The following GOLGA4 variants were observed in gnomAD, a reference collection of about 807,000 sequenced individuals.
GOLGA4 encodes the protein golgin A4.
In GOLGA4, 169 loss-of-function variants were observed where a neutral mutation model predicts 265.9. The ratio of observed to expected loss-of-function variants is 0.64; its 90% CI spans 0.56 to 0.72. GOLGA4 has a LOEUF of 0.72. Ranked by LOEUF, GOLGA4 falls within the 30% of genes least tolerant of loss-of-function variation. The pLI, the probability that GOLGA4 is intolerant of heterozygous loss-of-function variation, is 0.00. For missense variants in GOLGA4, 2,482 were observed against 2,483.4 expected (o/e 1.00, Z 0.01); for synonymous variants, 923 against 855.8 (o/e 1.08, Z -1.37).
chr3:37,337,270 G>A (rs2097017320), intron 18 of GOLGA4, 107 bp downstream of exon 18: 4 of 661,246 alleles, frequency 6.0e-6, no homozygotes, highest in African/African-American at 5.5e-5. Context: ...TGCAATCTTG[G>A]CTCACTGCAA....
At chr3:37,257,708 A>C (rs1228141157) in intron 2 of GOLGA4, among the ~76,000 whole-genome samples, 2 of 150,964 alleles carry the variant, frequency 1.3e-5, no homozygotes, top group Non-Finnish European at 2.9e-5. Flanking sequence ...TTTATGAAGG[A>C]AGGATTGATA....
intron 22 of GOLGA4, among the ~76,000 whole-genome samples, chr3:37,360,466 T>G (rs1696167139): frequency 6.6e-6 from 1 of 152,208 alleles, no homozygotes; most frequent in African/African-American, 2.4e-5. Flanking sequence ...TTGCTGCTTT[T>G]TACTAACTTT....
intron 21 of GOLGA4, among the ~76,000 whole-genome samples, chr3:37,354,254 T>C (rs983092625): frequency 2.0e-5 from 3 of 152,030 alleles, no homozygotes; most frequent in Admixed American, 6.6e-5. Context: ...GATCAAGGAA[T>C]GTTAGAGTCA....
At chr3:37,286,962 C>T (rs2096851165) in intron 4 of GOLGA4, among the ~76,000 whole-genome samples, 1 of 152,210 alleles carries the variant, frequency 6.6e-6, no homozygotes, top group Non-Finnish European at 1.5e-5. Context: ...AAATTTCCCA[C>T]TAGGTATTCC....
At chr3:37,285,913 C>T in intron 3 of GOLGA4, 101 bp from the exon 4 acceptor site, 4 of 655,158 alleles carry the variant, frequency 6.1e-6, no homozygotes, top group Non-Finnish European at 1.1e-5. Flanking sequence ...AAGGACTCTT[C>T]TAATTTATTT....
At chr3:37,287,477 C>G (rs781239891) in intron 4 of GOLGA4, 1 of 152,236 alleles carries the variant, frequency 6.6e-6, no homozygotes, top group Non-Finnish European at 1.5e-5. Flanking sequence ...ACACTCTTAC[C>G]TATGCTGCTT....
chr3:37,322,355 C>T (rs902724547), intron 13 of GOLGA4, among the ~76,000 whole-genome samples: 2 of 152,090 alleles, frequency 1.3e-5, no homozygotes, highest in Admixed American at 1.3e-4. Context: ...AACATAGTCC[C>T]GTAATGAACA....
rs530356694 is a variant in GOLGA4, at chr3:37,302,347, G to T, written c.1234+15G>T. On this transcript the variant is annotated intron_variant, in intron 10 of 23. Coordinates refer to ENST00000361924, the MANE Select transcript of GOLGA4 (RefSeq NM_002078.5). ...CGAAAGAGCTGGTAAGAACTTGAGG[G>T]TTACTTGTTTTATGTTGGAACTCAA... 140 of 1,603,750 alleles carry T rather than the reference G, an allele frequency of 8.7e-5. No homozygotes were observed. The highest frequency in any genetic ancestry group is 8.3e-4 in the Middle Eastern group (5 of 6,030).
intron 10 of GOLGA4, among the ~76,000 whole-genome samples, chr3:37,307,382 T>C (rs2096909196): frequency 6.6e-6 from 1 of 152,244 alleles, no homozygotes; most frequent in Admixed American, 6.5e-5. Context: ...TTATGCATTT[T>C]TATATAACAA....
At chr3:37,243,766 A>T (rs1266671985) in intron 1 of GOLGA4, 144 bp downstream of exon 1, 1 of 660,036 alleles carries the variant, frequency 1.5e-6, no homozygotes, top group Non-Finnish European at 2.6e-6. Flanking sequence ...ACCCAGAAGG[A>T]GCTCCGGGCG....
At chr3:37,341,182 C>T (rs561941696) in intron 20 of GOLGA4, among the ~76,000 whole-genome samples, 1 of 152,146 alleles carries the variant, frequency 6.6e-6, no homozygotes, top group African/African-American at 2.4e-5. Context: ...GGATTACAGG[C>T]ATGAGCTACT....
At chr3:37,259,475 A>G (rs909953306) in intron 2 of GOLGA4, among the ~76,000 whole-genome samples, 56 of 152,332 alleles carry the variant, frequency 3.7e-4, no homozygotes, top group African/African-American at 1.0e-3. Flanking sequence ...CTTTTAACAC[A>G]TAGTATAGCT....
Position 37,323,868 on chromosome 3 carries a change from A to G in GOLGA4, c.1982A>G (p.Glu661Gly), listed in dbSNP as rs751245792. Residue 661 changes from glutamate to glycine, a missense_variant, in exon 14 of 24, where the codon GAG becomes GGG. Glu to Gly is a moderately conservative substitution (Grantham distance 98). This residue lies in a region of GOLGA4 where 1,536 missense variants were observed against 1,483.7 expected (regional missense o/e 1.04). Coordinates refer to ENST00000361924, the MANE Select transcript of GOLGA4 (RefSeq NM_002078.5). The stretch of plus-strand genomic sequence containing the variant: ...AAAGAAACATTGTTGAAAGACAAAG[A>G]GATTATCTTCCAGGCCCACATAGAA... ...QEKETLLKDK[E>G]IIFQAHIEEM... is the part of the protein sequence containing the mutation. The G allele has an allele frequency of 3.7e-6, 6 of 1,612,398 alleles. No homozygotes were observed. The South Asian group carries it at 5.5e-5, about 15-fold the overall frequency.
chr3:37,256,814 C>G (rs1221658918), intron 2 of GOLGA4, among the ~76,000 whole-genome samples: 1 of 152,106 alleles, frequency 6.6e-6, no homozygotes, highest in African/African-American at 2.4e-5. Context: ...TATCCTCTGC[C>G]CCACTCCAGA....
chr3:37,326,948 G>A lies in GOLGA4; in HGVS notation c.5062G>A (p.Val1688Ile). Reference protein sequence around the residue: ...NTKLQEREREVHILEEKLKSV... With the variant: ...NTKLQEREREIHILEEKLKSV... ...AAAATTGCAGGAAAGAGAAAGGGAA[G>A]TTCACATCTTGGAAGAAAAACTTAA... is the stretch of plus-strand genomic sequence containing the variant. Residue 1688 changes from valine (V) to isoleucine (I), a missense_variant, in exon 14 of 24, where the codon GTT (valine) becomes ATT (isoleucine). Around this residue, in one of 3 missense-constraint regions of GOLGA4, gnomAD observed 942 missense variants for 983.1 expected, o/e 0.96. Transcript: ENST00000361924. 11 of 1,613,420 alleles carry A rather than the reference G, an allele frequency of 6.8e-6. No individual in the cohort carries two copies. The highest frequency in any genetic ancestry group is 9.3e-6 in the Non-Finnish European group (11 of 1,179,442).
chr3:37,359,824 C>G (rs1338960584), intron 22 of GOLGA4, among the ~76,000 whole-genome samples: 1 of 152,164 alleles, frequency 6.6e-6, no homozygotes, highest in East Asian at 1.9e-4. Context: ...TCTGCATGGG[C>G]TCAGAAGATG....
At chr3:37,283,052 T>C (rs1312000894) in intron 3 of GOLGA4, among the ~76,000 whole-genome samples, 2 of 152,144 alleles carry the variant, frequency 1.3e-5, no homozygotes, top group Non-Finnish European at 2.9e-5. Context: ...CAAATCACCA[T>C]TGTAGTTAAT....
intron 23 of GOLGA4, among the ~76,000 whole-genome samples, chr3:37,361,525 T>G (rs1475826637): frequency 6.6e-6 from 1 of 152,230 alleles, no homozygotes; most frequent in Non-Finnish European, 1.5e-5. Context: ...TTTCATTTCT[T>G]TAAAGAGTAA....
intron 23 of GOLGA4, 94 bp from the exon 24 acceptor site, chr3:37,365,984 TCA>T (rs1404467624): frequency 9.3e-7 from 1 of 1,077,654 alleles, no homozygotes; most frequent in Non-Finnish European, 1.3e-6. Flanking sequence ...GAATTTTATT[TCA>T]AACTTGAAAA....
Sources: allele counts gnomAD v4.1 joint callset (sites outside exome capture counted in the v4.1 genomes callset), GRCh38; gene constraint gnomAD v4.1.1; regional missense constraint gnomAD v4.1.1; transcripts MANE v1.5; gene names NCBI Gene and HGNC (gene_info 2026-07-23, HGNC 2026-07-21).